CDC7: variants seen among roughly 807,000 people sequenced by gnomAD.
The protein encoded by CDC7 is cell division cycle 7-related protein kinase.
CDC7 carries 34 observed loss-of-function variants against 53.5 expected under a neutral mutation model. That is an observed-to-expected ratio of 0.64 (90% CI 0.48 to 0.85). CDC7 has a LOEUF of 0.85. CDC7 is among the 40% of genes least tolerant of loss of function. The probability of loss-of-function intolerance (pLI) is 0.00; values close to 1 mark genes in which losing one functional copy is unlikely to be tolerated. For synonymous variants in CDC7, 211 were observed against 222.8 expected (o/e 0.95, Z 0.47); for missense variants, 594 against 679.7 (o/e 0.87, Z 1.40).
chr1:91,502,986 C>T (rs1386789415), intron 2 of CDC7, among the ~76,000 whole-genome samples: 8 of 152,240 alleles, frequency 5.3e-5, no homozygotes, highest in African/African-American at 1.9e-4. Context: ...CACAGTAACA[C>T]AGTCATTGTA....
intron 10 of CDC7, among the ~76,000 whole-genome samples, chr1:91,518,559 G>A (rs542071661): frequency 2.0e-5 from 3 of 152,268 alleles, no homozygotes; most frequent in South Asian, 2.1e-4. Flanking sequence ...ATTCAGCCAC[G>A]AAAAAGAAGA....
intron 11 of CDC7, among the ~76,000 whole-genome samples, chr1:91,521,213 A>G (rs905709661): frequency 3.3e-5 from 5 of 152,208 alleles, no homozygotes; most frequent in African/African-American, 1.2e-4. Flanking sequence ...AGAAATACAT[A>G]TGCCTGCCCA....
chr1:91,515,730 G>A lies in CDC7; in HGVS notation c.1098-64G>A, dbSNP rs1347845267. 7 of 1,589,190 alleles carry A rather than the reference G, an allele frequency of 4.4e-6. No homozygotes were observed. In the African/African-American group the frequency reaches 6.8e-5, roughly 15 times the overall value. ...TTTACTGTGAACTAAATTGATGAAT[G>A]TTATTTTTTAGACTTACATAGTTCA... On this transcript the variant is annotated intron_variant, in intron 9 of 11. Transcript: ENST00000234626.
At chr1:91,511,996 G>C in intron 6 of CDC7, 73 bp downstream of exon 6, 3 of 1,122,504 alleles carry the variant, frequency 2.7e-6, no homozygotes, top group Non-Finnish European at 3.8e-6. Context: ...CTATATTTAA[G>C]GTATTGAACA....
chr1:91,507,401 TTC>T (rs1412575294), intron 2 of CDC7, among the ~76,000 whole-genome samples: 1 of 152,230 alleles, frequency 6.6e-6, no homozygotes, highest in African/African-American at 2.4e-5. Flanking sequence ...TTAGTAGGCC[TTC>T]TCTCTGAAAA....
chr1:91,505,929 T>A (rs1034810607), intron 2 of CDC7, among the ~76,000 whole-genome samples: 1 of 152,242 alleles, frequency 6.6e-6, no homozygotes, highest in African/African-American at 2.4e-5. Flanking sequence ...TTGTCATTTT[T>A]CTGCTTAAAA....
Position 91,513,193 on chromosome 1 carries a change from T to G in CDC7, c.708T>G (p.Ile236Met), listed in dbSNP as rs1472628196. 1.9e-6 allele frequency: 3 copies of G among 1,613,788 alleles called. No individual in the cohort carries two copies. The highest frequency in any genetic ancestry group is 2.5e-6 in the Non-Finnish European group (3 of 1,179,846). Residue 236 changes from isoleucine to methionine, a missense_variant, in exon 7 of 12, where the codon ATT becomes ATG. Ile to Met is a conservative substitution (Grantham distance 10). Coordinates refer to ENST00000234626, the MANE Select transcript of CDC7 (RefSeq NM_003503.4). ...CCCACATAATCACAGGAAACAAGAT[T>G]CCACTGAGTGGCCCAGTACCTAAGG... The part of the protein sequence containing the change: ...NKSHIITGNK[I>M]PLSGPVPKEL...
In CDC7 at chr1:91,511,935, G is replaced by A. The variant is rs749783180; in HGVS notation, c.572+12G>A. The A allele has an allele frequency of 6.5e-7, 1 of 1,544,236 alleles. No individual in the cohort carries two copies. The highest frequency in any genetic ancestry group is 8.8e-7 in the Non-Finnish European group (1 of 1,134,072). On this transcript the variant is annotated intron_variant, in intron 6 of 11. Coordinates refer to ENST00000234626, the MANE Select transcript of CDC7 (RefSeq NM_003503.4). ...AGGCGCCTGAAAAAGTAAGTATGAA[G>A]AGTTACTAGAAAATATTTATCCTAT...
intron 2 of CDC7, among the ~76,000 whole-genome samples, chr1:91,505,535 A>G (rs1394956086): frequency 6.6e-6 from 1 of 152,240 alleles, no homozygotes; most frequent in Non-Finnish European, 1.5e-5. Context: ...AAGTGACTTA[A>G]AATGTCAAAA....
At chr1:91,515,372 T>C (rs1183529876) in intron 9 of CDC7, among the ~76,000 whole-genome samples, 1 of 152,170 alleles carries the variant, frequency 6.6e-6, no homozygotes, top group Non-Finnish European at 1.5e-5. Flanking sequence ...CCTCCAACTC[T>C]TTGACTCATA....
intron 4 of CDC7, among the ~76,000 whole-genome samples, chr1:91,509,988 G>C (rs1453252950): frequency 6.6e-6 from 1 of 152,156 alleles, no homozygotes; most frequent in African/African-American, 2.4e-5. Context: ...AGCACTTTGG[G>C]AGGATTGCTT....
rs1404381890 is a variant in CDC7, at chr1:91,507,860, A to G, written c.122A>G (p.Lys41Arg). 1.4e-6 allele frequency: 2 copies of G among 1,384,022 alleles called. No individual in the cohort carries two copies. Among genetic ancestry groups the G allele is most frequent in the Admixed American group, 2.0e-5 (1 of 50,446 alleles). The allele number at this position is 1,384,022 out of a possible 1,614,324, so 85.7% of individuals were successfully genotyped here. A position where few individuals can be genotyped will look rare whatever the true frequency, so the allele number is the denominator to read the frequency against. Reference protein sequence around the residue: ...NEQNFKLAGVKKDIEKLYEAV... With the variant: ...NEQNFKLAGVRKDIEKLYEAV... ...ATTTTTGTTTCCTTGAAAGGTGTTAAAAAAGATATTGAGAAGCTTTATGAA... is the reference window on the plus strand; with the variant it reads ...ATTTTTGTTTCCTTGAAAGGTGTTAGAAAAGATATTGAGAAGCTTTATGAA... Residue 41 changes from lysine to arginine, a missense_variant, in exon 3 of 12, where the codon AAA (lysine) becomes AGA (arginine). By Grantham distance (26) the Lys-to-Arg change is conservative (BLOSUM62 2). Transcript: ENST00000234626.
chr1:91,513,297 A>C lies in CDC7; in HGVS notation c.812A>C (p.Lys271Thr), dbSNP rs201202165. 1 of 1,612,914 alleles carries C rather than the reference A, an allele frequency of 6.2e-7. No homozygotes were observed. The highest frequency in any genetic ancestry group is 2.2e-5 in the East Asian group (1 of 44,872). ...TNAQIQIKQG[K>T]DGKEGSVGLS... ...GCACAAATTCAGATTAAACAAGGAA[A>C]AGACGGAAAGGTTCTATCTCTTTTA... Residue 271 changes from lysine (K) to threonine (T), a missense_variant, in exon 7 of 12, where the codon AAA becomes ACA. Transcript: ENST00000234626.
At position 91,525,309 on chromosome 1, in the gene CDC7, G is replaced by A. The variant is rs981352489; in HGVS notation, c.*874G>A. ...TCTTAGATATAATTAGGTAGCTGCT[G>A]AAAGGAAAAGTGAATACAGAATTGA... On this transcript the variant is annotated 3_prime_UTR_variant, in exon 12 of 12. Coordinates refer to ENST00000234626, the MANE Select transcript of CDC7 (RefSeq NM_003503.4). The A allele has an allele frequency of 6.6e-6, 1 of 152,130 alleles. No homozygotes were observed. The highest frequency in any genetic ancestry group is 6.5e-5 in the Admixed American group (1 of 15,274). 9.4% of individuals were successfully genotyped at this position (152,130 alleles called of 1,614,324 possible).
At chr1:91,513,384 T>C in intron 7 of CDC7, 77 bp downstream of exon 7, 1 of 1,345,488 alleles carries the variant, frequency 7.4e-7, no homozygotes, top group Non-Finnish European at 1.0e-6. Context: ...GGAGATAGAA[T>C]ACTAGGATAG....
chr1:91,508,210 A>G (rs1667090954), intron 3 of CDC7, 52 bp from the exon 4 acceptor site: 3 of 1,453,214 alleles, frequency 2.1e-6, no homozygotes, highest in African/African-American at 1.4e-5. Flanking sequence ...GAATTGTTTC[A>G]TTAACATTTT....
At chr1:91,502,426 A>G (rs1178838178) in intron 2 of CDC7, among the ~76,000 whole-genome samples, 1 of 152,166 alleles carries the variant, frequency 6.6e-6, no homozygotes, top group African/African-American at 2.4e-5. Context: ...TTTGTTAAAT[A>G]GAGGAATTCT....
At chr1:91,522,947 C>T (rs534877424) in intron 11 of CDC7, among the ~76,000 whole-genome samples, 16 of 152,228 alleles carry the variant, frequency 1.1e-4, no homozygotes, top group Admixed American at 8.5e-4. Context: ...TGTTGTGGTA[C>T]TTGTTGTTTC....
intron 10 of CDC7, 111 bp downstream of exon 10, chr1:91,515,987 TTATG>T (rs1338109629): frequency 2.2e-5 from 19 of 878,734 alleles, no homozygotes; most frequent in Admixed American, 2.4e-5. Flanking sequence ...CTGCTTTTAA[TTATG>T]TAAGCAGTTC....
Sources: allele counts gnomAD v4.1 joint callset (sites outside exome capture counted in the v4.1 genomes callset), GRCh38; gene constraint gnomAD v4.1.1; transcripts MANE v1.5; gene names NCBI Gene and HGNC (gene_info 2026-07-23, HGNC 2026-07-21).